TBC1D32: variants seen among roughly 807,000 people sequenced by gnomAD.
TBC1D32 encodes protein broad-minded.
TBC1D32 carries 151 observed loss-of-function variants against 170.3 expected under a neutral mutation model. That is an observed-to-expected ratio of 0.89 (90% CI 0.78 to 1.01). TBC1D32 has a LOEUF of 1.01. TBC1D32 is among the 50% of genes least tolerant of loss of function. The pLI, the probability that TBC1D32 is intolerant of heterozygous loss-of-function variation, is 0.00. For missense variants in TBC1D32, 1,464 were observed against 1,457.1 expected, an observed-to-expected ratio of 1.00 and a Z score of -0.08; for synonymous variants, 498 against 488.0, an observed-to-expected ratio of 1.02 and a Z score of -0.27.
At chr6:121,233,363 G>GT (rs1795969132) in intron 20 of TBC1D32, among the ~76,000 whole-genome samples, 1 of 152,030 alleles carries the variant, frequency 6.6e-6, no homozygotes, top group African/African-American at 2.4e-5. Context: ...AGGTCTACTA[G>GT]TAATTGCTTT....
At chr6:121,187,459 G>T (rs1273760) in intron 22 of TBC1D32, among the ~76,000 whole-genome samples, 17,709 of 151,972 alleles carry the variant, frequency 0.12, 1,486 homozygotes, top group Admixed American at 0.23. Flanking sequence ...TAGCTTCTGA[G>T]TTTTCCCTAC....
intron 22 of TBC1D32, among the ~76,000 whole-genome samples, chr6:121,190,293 A>ATCCT (rs769954062): frequency 1.1e-4 from 12 of 104,808 alleles, no homozygotes; most frequent in Non-Finnish European, 1.8e-4. Flanking sequence ...CCTCCACCTT[A>ATCCT]TCCTTTCTTC....
intron 20 of TBC1D32, among the ~76,000 whole-genome samples, chr6:121,226,104 G>C (rs1795023163): frequency 6.6e-6 from 1 of 152,128 alleles, no homozygotes; most frequent in Non-Finnish European, 1.5e-5. Flanking sequence ...CTTTCAGGTT[G>C]ATAATGATCT....
chr6:121,236,103 CTG>C (rs1796299750), intron 20 of TBC1D32, among the ~76,000 whole-genome samples: 1 of 147,630 alleles, frequency 6.8e-6, no homozygotes, highest in Non-Finnish European at 1.5e-5. Context: ...CCACCTTATT[CTG>C]TGTTTGGTTT....
Position 121,087,306 on chromosome 6 carries a change from G to C in TBC1D32, c.3654+3547C>G, listed in dbSNP as rs1286064223. Among the ~76,000 whole-genome samples the C allele has an allele frequency of 4.6e-5, 7 of 152,158 alleles. 1 individual carries two copies. The highest frequency in any genetic ancestry group is 4.6e-4 in the Admixed American group (7 of 15,276). ...CCTATTAGTGTTCACACCACCTTCT[G>C]ATCCAAGAAATTCCAACTTATCTTT... On this transcript the variant is annotated intron_variant, in intron 31 of 31. Transcript: ENST00000398212.
At chr6:121,245,329 C>G (rs946018722) in intron 17 of TBC1D32, among the ~76,000 whole-genome samples, 6 of 152,192 alleles carry the variant, frequency 3.9e-5, no homozygotes, top group African/African-American at 1.4e-4. Flanking sequence ...GGCAGCCCTA[C>G]TGGGTGGCTA....
rs1370812100 is a variant in TBC1D32, at chr6:121,239,103, A to T, written c.2331T>A (p.Thr777=). The T allele has an allele frequency of 6.2e-7, 1 of 1,601,912 alleles. No homozygotes were observed. The highest frequency in any genetic ancestry group is 1.1e-5 in the South Asian group (1 of 89,446). ...AGCTTCGGTCAATAGGATCCACTGG[A>T]GTAGTTCTGGGATGGGTTACCCTAA... ...DDVRVTHPRT[T]PVDPIDRSCQ... is the part of the protein sequence containing the mutation. The change falls in exon 20 of 32, where the codon ACT becomes ACA. Residue 777 remains threonine (T), a synonymous_variant. Transcript: ENST00000398212.
chr6:121,111,748 T>C (rs1039630748), intron 29 of TBC1D32, among the ~76,000 whole-genome samples: 12 of 152,166 alleles, frequency 7.9e-5, no homozygotes, highest in African/African-American at 2.7e-4. Flanking sequence ...ATCACAAATA[T>C]ATATTGTAAA....
Position 121,134,949 on chromosome 6 carries a change from C to G in TBC1D32, c.2774-3197G>C, listed in dbSNP as rs1781873210. Among the ~76,000 whole-genome samples, 4 of 145,438 alleles carry G rather than the reference C, an allele frequency of 2.8e-5. No individual in the cohort carries two copies. In the Admixed American group the frequency reaches 2.9e-4, roughly 10 times the overall value. ...ATAAATCTATTCAGCCATAGGCAGA[C>G]AGAGACAAAGGCCCCCCTGACTGTT... On this transcript the variant is annotated intron_variant, in intron 24 of 31. Transcript: ENST00000398212.
chr6:121,286,476 TATGGGACTATATGA>T (rs375316189), intron 12 of TBC1D32, among the ~76,000 whole-genome samples: 3,733 of 150,130 alleles, frequency 0.025, 126 homozygotes, highest in East Asian at 0.094. Flanking sequence ...CTCCAAGAAA[TATGGGACTATATGA>T]ATGGGACTAT....
In TBC1D32 at chr6:121,281,657, C is replaced by G. The variant is rs747085285; in HGVS notation, c.1495G>C (p.Glu499Gln). Residue 499 changes from glutamate (E) to glutamine (Q), a missense_variant, in exon 14 of 32, where the codon GAA becomes CAA. Glu to Gln is a conservative substitution (Grantham distance 29). Coordinates refer to ENST00000398212, the MANE Select transcript of TBC1D32 (RefSeq NM_152730.6). ...ENYSPASMVT[E>Q]VLWILSDQKE... is the part of the protein sequence containing the mutation. ...TGATCACTGAGTATCCACAGAACTTCAGTCACCATACTTGCAGGAGAGTAA... is the reference window on the plus strand; with the variant it reads ...TGATCACTGAGTATCCACAGAACTTGAGTCACCATACTTGCAGGAGAGTAA... The G allele has an allele frequency of 1.2e-6, 2 of 1,600,182 alleles. No individual in the cohort carries two copies. Among genetic ancestry groups the G allele is most frequent in the East Asian group, 2.3e-5 (1 of 44,114 alleles).
At chr6:121,122,965 T>C in intron 26 of TBC1D32, among the ~76,000 whole-genome samples, 1 of 152,062 alleles carries the variant, frequency 6.6e-6, no homozygotes, top group Non-Finnish European at 1.5e-5. Flanking sequence ...CTATGGTCAA[T>C]GGTGAGAAAT....
At chr6:121,157,069 T>C (rs1784993886) in intron 24 of TBC1D32, among the ~76,000 whole-genome samples, 1 of 152,084 alleles carries the variant, frequency 6.6e-6, no homozygotes, top group South Asian at 2.1e-4. Flanking sequence ...TTTGTGGAAT[T>C]TTCTGCCTCA....
At chr6:121,288,020 T>C (rs920359278) in intron 12 of TBC1D32, among the ~76,000 whole-genome samples, 7 of 152,184 alleles carry the variant, frequency 4.6e-5, no homozygotes, top group African/African-American at 1.4e-4. Context: ...GAGGGAAATT[T>C]ATAGCTCTAA....
At chr6:121,224,381 C>T (rs938377809) in intron 20 of TBC1D32, 5 of 152,062 alleles carry the variant, frequency 3.3e-5, no homozygotes, top group African/African-American at 4.8e-5. Context: ...GTAAAGTTTA[C>T]TGCTTTACAT....
intron 22 of TBC1D32, among the ~76,000 whole-genome samples, chr6:121,187,594 G>A (rs553770429): frequency 1.2e-4 from 18 of 151,844 alleles, no homozygotes; most frequent in South Asian, 2.1e-4. Context: ...AACTTCCTCC[G>A]TACATCTCTT....
At chr6:121,321,000 G>T (rs75774840) in intron 2 of TBC1D32, among the ~76,000 whole-genome samples, 9,820 of 152,220 alleles carry the variant, frequency 0.065, 616 homozygotes, top group Admixed American at 0.21. Context: ...TGCCAGGCAG[G>T]ATAGGCTACC....
chr6:121,234,483 T>C (rs150236027), intron 20 of TBC1D32, among the ~76,000 whole-genome samples: 3,660 of 152,108 alleles, frequency 0.024, 163 homozygotes, highest in East Asian at 0.12. Context: ...AAGTTCTTTC[T>C]TCTGCTTGTT....
At chr6:121,181,304 G>A (rs893071647) in intron 22 of TBC1D32, among the ~76,000 whole-genome samples, 1 of 152,090 alleles carries the variant, frequency 6.6e-6, no homozygotes, top group African/African-American at 2.4e-5. Context: ...GAGGTGATTG[G>A]ATCATGAGGG....
Sources: gnomAD v4.1 joint callset for allele counts (sites outside exome capture counted in the v4.1 genomes callset) on GRCh38, gnomAD v4.1.1 for gene constraint, MANE v1.5 for transcripts, NCBI Gene and HGNC (gene_info 2026-07-23, HGNC 2026-07-21) for gene names.